Variants in U2SURP observed in about 807,000 individuals in gnomAD.
U2SURP encodes the protein U2 snRNP-associated SURP motif-containing protein.
Under a neutral mutation model 144.9 loss-of-function variants are expected in U2SURP, and 9 were observed. The ratio of observed to expected loss-of-function variants is 0.06; its 90% CI spans 0.04 to 0.11. The LOEUF (loss-of-function observed/expected upper bound fraction) is 0.11. Ranked by LOEUF, U2SURP falls within the 10% of genes least tolerant of loss-of-function variation. U2SURP has a pLI of 1.00. For synonymous variants in U2SURP, 408 were observed against 396.8 expected (o/e 1.03, Z -0.33); for missense variants, 724 against 1,226.7 (o/e 0.59, Z 6.12).
At chr3:143,032,203 G>A (rs12633576) in intron 16 of U2SURP, among the ~76,000 whole-genome samples, 1 of 152,030 alleles carries the variant, frequency 6.6e-6, no homozygotes, top group Non-Finnish European at 1.5e-5. Flanking sequence ...CTCCCGAGTA[G>A]CTGGCATTAT....
At position 143,028,665 on chromosome 3, in the gene U2SURP, C is replaced by G. The variant is rs1933297490; in HGVS notation, c.1610+19C>G. 1 of 1,569,670 alleles carries G rather than the reference C, an allele frequency of 6.4e-7. No individual in the cohort carries two copies. The highest frequency in any genetic ancestry group is 8.6e-7 in the Non-Finnish European group (1 of 1,161,874). On this transcript the variant is annotated intron_variant, in intron 16 of 27. Transcript: ENST00000473835. ...AGGAAGAGTAAGATATTTTTCCTTT[C>G]TATTATATATTCAGAAAAGTAACTG...
intron 16 of U2SURP, among the ~76,000 whole-genome samples, chr3:143,032,404 G>A (rs550967796): frequency 1.8e-4 from 28 of 152,246 alleles, no homozygotes; most frequent in Admixed American, 1.5e-3. Context: ...TTAGCCTGTC[G>A]TAATCCCAGG....
intron 23 of U2SURP, among the ~76,000 whole-genome samples, chr3:143,039,599 A>T (rs1443951695): frequency 3.7e-5 from 5 of 136,780 alleles, no homozygotes; most frequent in African/African-American, 1.1e-4. Flanking sequence ...AGGGAGTTGA[A>T]TTTTTTTTTT....
At chr3:143,006,585 A>G (rs1935845704) in intron 1 of U2SURP, among the ~76,000 whole-genome samples, 1 of 152,114 alleles carries the variant, frequency 6.6e-6, no homozygotes, top group Admixed American at 6.5e-5. Context: ...GAGAAACCCC[A>G]TCTCTGCTGA....
In U2SURP at chr3:143,027,137, T is replaced by G; in HGVS notation, c.1275-12T>G. 2 of 1,598,390 alleles carry G rather than the reference T, an allele frequency of 1.3e-6. No individual in the cohort carries two copies. Among genetic ancestry groups the G allele is most frequent in the Non-Finnish European group, 1.7e-6 (2 of 1,166,404 alleles). Reference sequence around the variant, plus strand: ...TCTGAATCCATTTTCTTTAACTGTGTTGTTGTTGTAGGAATTTGCTCGCCC... The same window carrying G: ...TCTGAATCCATTTTCTTTAACTGTGGTGTTGTTGTAGGAATTTGCTCGCCC... On this transcript the variant is annotated splice_polypyrimidine_tract_variant and intron_variant, in intron 13 of 27. Coordinates refer to ENST00000473835, the MANE Select transcript of U2SURP (RefSeq NM_001080415.2).
chr3:143,032,752 A>C (rs769668369), intron 16 of U2SURP, 32 bp from the exon 17 acceptor site: 1 of 1,567,618 alleles, frequency 6.4e-7, no homozygotes. Flanking sequence ...ATTGTATCTA[A>C]ATATTTATAA....
At chr3:143,015,441 T>TC (rs397763459) in intron 4 of U2SURP, among the ~76,000 whole-genome samples, 2 of 151,882 alleles carry the variant, frequency 1.3e-5, no homozygotes, top group African/African-American at 4.8e-5. Context: ...TTCAGTTTTT[T>TC]CCATTACCAG....
chr3:143,047,993 C>T (rs1449982767), intron 24 of U2SURP, among the ~76,000 whole-genome samples: 1 of 152,128 alleles, frequency 6.6e-6, no homozygotes, highest in Non-Finnish European at 1.5e-5. Context: ...TACTATTGTC[C>T]CCATTTCTAC....
At chr3:143,043,503 G>A (rs1934230089) in intron 24 of U2SURP, among the ~76,000 whole-genome samples, 1 of 151,990 alleles carries the variant, frequency 6.6e-6, no homozygotes, top group Non-Finnish European at 1.5e-5. Flanking sequence ...TTATTTCTGT[G>A]TGATTTTATA....
chr3:143,038,871 A>T, intron 22 of U2SURP, 23 bp from the exon 23 acceptor site: 1 of 1,520,758 alleles, frequency 6.6e-7, no homozygotes. Context: ...GTGGAATTAC[A>T]TCCTCCTTTT....
At position 143,022,624 on chromosome 3, in the gene U2SURP, A is replaced by G. The variant is rs1308206310; in HGVS notation, c.980A>G (p.Asn327Ser). ...AATTGCGGCTTTGTGGCCTTTATGA[A>G]TAGAAGAGATGCTGAAAGAGCTTTA... ...ERNCGFVAFM[N>S]RRDAERALKN... Residue 327 changes from asparagine to serine, a missense_variant, in exon 11 of 28, where the codon AAT becomes AGT. Physicochemically the swap from Asn to Ser is conservative, Grantham distance 46. This residue lies in a region of U2SURP where 16 missense variants were observed against 18.0 expected (regional missense o/e 0.89). Coordinates refer to ENST00000473835, the MANE Select transcript of U2SURP (RefSeq NM_001080415.2). 21 of 1,613,682 alleles carry G rather than the reference A, an allele frequency of 1.3e-5. No homozygotes were observed. The highest frequency in any genetic ancestry group is 3.3e-5 in the Admixed American group (2 of 59,948).
chr3:143,054,660 T>C (rs935866833), intron 26 of U2SURP, among the ~76,000 whole-genome samples: 1 of 152,214 alleles, frequency 6.6e-6, no homozygotes, highest in Admixed American at 6.5e-5. Flanking sequence ...AAAAAACTGA[T>C]ATTTAATCCA....
At position 143,038,132 on chromosome 3, in the gene U2SURP, A is replaced by G. The variant is rs1560196290; in HGVS notation, c.2246A>G (p.Lys749Arg). 1.9e-6 allele frequency: 3 copies of G among 1,606,598 alleles called. No individual in the cohort carries two copies. In the Admixed American group the frequency reaches 5.0e-5, roughly 27 times the overall value. ...GTGGATGCAACTGAAGACTCAAAAAAGAATGAGCCTATATTTAAAGTTGCC... is the reference window on the plus strand; with the variant it reads ...GTGGATGCAACTGAAGACTCAAAAAGGAATGAGCCTATATTTAAAGTTGCC... Reference protein sequence around the residue: ...VPLDATEDSKKNEPIFKVAPS... With the variant: ...VPLDATEDSKRNEPIFKVAPS... Residue 749 changes from lysine (K) to arginine (R), a missense_variant, in exon 22 of 28, where the codon AAG (lysine) becomes AGG (arginine). Transcript: ENST00000473835.
At chr3:143,055,386 G>A (rs1935097011) in intron 27 of U2SURP, among the ~76,000 whole-genome samples, 1 of 151,884 alleles carries the variant, frequency 6.6e-6, no homozygotes. Context: ...AGGGTTAGCT[G>A]CTTTACTTTT....
chr3:143,036,799 A>G (rs1357904832), intron 20 of U2SURP: 1 of 176,182 alleles, frequency 5.7e-6, no homozygotes, highest in Non-Finnish European at 1.2e-5. Flanking sequence ...TGCTAATAGT[A>G]TGATACGCCC....
At chr3:143,029,582 A>T (rs992544845) in intron 16 of U2SURP, among the ~76,000 whole-genome samples, 2 of 152,170 alleles carry the variant, frequency 1.3e-5, no homozygotes, top group African/African-American at 4.8e-5. Flanking sequence ...CTATTTCCTG[A>T]GACACAACAC....
chr3:143,023,975 ACT>A lies in U2SURP; in HGVS notation c.1234_1235del (p.Leu412ValfsTer29). ...PPKNKEDFEK[T>X]LSQAIVKVVI... Reference sequence around the variant, plus strand: ...TTATCTGATGTGACTTCATATACAGACTCTGTCGCAAGCCATAGTCAAAGTGG... The same window carrying A: ...TTATCTGATGTGACTTCATATACAGACTGTCGCAAGCCATAGTCAAAGTGG... On this transcript the variant is annotated frameshift_variant and splice_region_variant, in exon 13 of 28. Coordinates refer to ENST00000473835, the MANE Select transcript of U2SURP (RefSeq NM_001080415.2). LOFTEE classifies it high-confidence loss of function. The A allele has an allele frequency of 6.2e-7, 1 of 1,612,968 alleles. No homozygotes were observed. Among genetic ancestry groups the A allele is most frequent in the Non-Finnish European group, 8.5e-7 (1 of 1,179,242 alleles).
rs1263044448 is a variant in U2SURP, at chr3:143,026,910, ATTGTGGT to A, written c.1275-236_1275-230del. 5 of 353,230 alleles carry A rather than the reference ATTGTGGT, an allele frequency of 1.4e-5. No homozygotes were observed. In the Admixed American group the frequency reaches 2.3e-4, roughly 16 times the overall value. The allele number at this position is 353,230 out of a possible 1,614,324, so 21.9% of individuals were successfully genotyped here. A position where few individuals can be genotyped will look rare whatever the true frequency, so the allele number is the denominator to read the frequency against. On this transcript the variant is annotated intron_variant, in intron 13 of 27. Coordinates refer to ENST00000473835, the MANE Select transcript of U2SURP (RefSeq NM_001080415.2). ...AAATTAAATATTACTATGAGGCTGT[ATTGTGGT>A]TTCCTACCCTCCCTCACCTTTCCAT...
At chr3:143,034,179 T>TG (rs1468527495) in intron 18 of U2SURP, among the ~76,000 whole-genome samples, 5 of 152,168 alleles carry the variant, frequency 3.3e-5, no homozygotes, top group African/African-American at 1.2e-4. Context: ...CAAGAAGGGC[T>TG]GATTACCTGA....
Sources: allele counts gnomAD v4.1 joint callset (sites outside exome capture counted in the v4.1 genomes callset), GRCh38; gene constraint gnomAD v4.1.1; regional missense constraint gnomAD v4.1.1; transcripts MANE v1.5; gene names NCBI Gene and HGNC (gene_info 2026-07-23, HGNC 2026-07-21).